The following CCDC77 variants were observed in gnomAD, a reference collection of about 807,000 sequenced individuals.
CCDC77 encodes the protein coiled-coil domain containing 77.
A neutral mutation model predicts 66.8 loss-of-function variants in CCDC77; 56 were observed. The ratio of observed to expected loss-of-function variants is 0.84; its 90% CI spans 0.68 to 1.05. The LOEUF (loss-of-function observed/expected upper bound fraction) is 1.05. Ranked by LOEUF, CCDC77 falls within the 50% of genes least tolerant of loss-of-function variation. CCDC77 has a pLI of 0.00. For synonymous variants in CCDC77, 196 were observed against 195.2 expected (o/e 1.00, Z -0.03); for missense variants, 570 against 576.8 (o/e 0.99, Z 0.12).
upstream of CCDC77, among the ~76,000 whole-genome samples, chr12:399,875 A>G (rs1164884524): frequency 6.6e-6 from 1 of 152,232 alleles, no homozygotes; most frequent in Admixed American, 6.5e-5. Flanking sequence ...AGCCCCTAAC[A>G]TGAGAGTCAG....
intron 6 of CCDC77, among the ~76,000 whole-genome samples, chr12:430,254 A>G (rs1227587089): frequency 6.6e-6 from 1 of 152,076 alleles, no homozygotes; most frequent in Non-Finnish European, 1.5e-5. Context: ...TGGCCTCCCA[A>G]AGTGCTGAGA....
chr12:405,863 T>C (rs1444178367), intron 2 of CCDC77, among the ~76,000 whole-genome samples: 1 of 151,884 alleles, frequency 6.6e-6, no homozygotes, highest in Non-Finnish European at 1.5e-5. Flanking sequence ...TGAGTTTGCA[T>C]ATTCCAGTGT....
intron 1 of CCDC77, among the ~76,000 whole-genome samples, chr12:394,947 G>A (rs190855985): frequency 1.2e-4 from 19 of 152,250 alleles, no homozygotes; most frequent in African/African-American, 4.1e-4. Flanking sequence ...CTAGTAGAAA[G>A]GGAAGACAAA....
intron 1 of CCDC77, among the ~76,000 whole-genome samples, chr12:404,744 C>T (rs1415829362): frequency 4.3e-5 from 6 of 139,326 alleles, no homozygotes; most frequent in African/African-American, 8.1e-5. Context: ...TTTTTTGAGA[C>T]GGAGTTTCGC....
rs1286184458 is a variant in CCDC77 at position 411,965 on chromosome 12, C to T, written c.257C>T (p.Ala86Val). 6.2e-7 allele frequency: 1 copy of T among 1,612,754 alleles called. No individual in the cohort carries two copies. The highest frequency in any genetic ancestry group is 8.5e-7 in the Non-Finnish European group (1 of 1,179,206). Residue 86 changes from alanine (A) to valine (V), a missense_variant, in exon 4 of 13, where the codon GCT becomes GTT. Transcript: ENST00000239830. Reference protein sequence around the residue: ...LLKKLELYKEACEGQHKLECD... With the variant: ...LLKKLELYKEVCEGQHKLECD... The stretch of plus-strand genomic sequence containing the variant: ...AAGAAACTGGAACTCTACAAAGAAG[C>T]TTGTGAAGGACAGGTAAAGAAACGA...
rs114866093 is a variant in CCDC77 at position 433,625 on chromosome 12, C to T, written c.821+303C>T. The T allele has an allele frequency of 8.3e-3, 2,438 of 295,442 alleles. 62 individuals carry two copies. The highest frequency in any genetic ancestry group is 0.051 in the African/African-American group (2,259 of 44,732). 18.3% of individuals were successfully genotyped at this position (295,442 alleles called of 1,614,324 possible). ...GGCTCACGCCTGTAATCGCTCCTGC[C>T]TGGGTGACAGAGTGAGACCCTGTCT... On this transcript the variant is annotated intron_variant, in intron 9 of 12. Coordinates refer to ENST00000239830, the MANE Select transcript of CCDC77 (RefSeq NM_032358.4).
chr12:411,696 T>C, intron 3 of CCDC77, 51 bp from the exon 4 acceptor site: 1 of 1,432,660 alleles, frequency 7.0e-7, no homozygotes, highest in South Asian at 1.2e-5. Context: ...AAGTTATAAC[T>C]CATAAACTTT....
Position 441,856 on chromosome 12 carries a change from AAGG to A in CCDC77, c.1406_1408del (p.Gly469del). The A allele has an allele frequency of 6.2e-7, 1 of 1,613,978 alleles. No homozygotes were observed. Among genetic ancestry groups the A allele is most frequent in the African/African-American group, 1.3e-5 (1 of 74,948 alleles). On this transcript the variant is annotated inframe_deletion, in exon 13 of 13. Transcript: ENST00000239830. ...AGCAATAGACGGGCACATAAGATAC[AAGG>A]AGAACTGAAGAATCTTAAGTCGAAA...
intron 2 of CCDC77, among the ~76,000 whole-genome samples, chr12:406,971 G>C (rs1565563812): frequency 6.6e-6 from 1 of 152,242 alleles, no homozygotes. Context: ...GGAACGAGGA[G>C]ACCAGTTAAG....
chr12:394,281 T>C (rs372084188), intron 1 of CCDC77, among the ~76,000 whole-genome samples: 2 of 152,240 alleles, frequency 1.3e-5, no homozygotes, highest in Non-Finnish European at 2.9e-5. Flanking sequence ...GAGTGCGTTA[T>C]GTGTTCTTCT....
chr12:441,161 G>A (rs948868568), intron 12 of CCDC77, among the ~76,000 whole-genome samples, 165 bp downstream of exon 12: 1 of 152,122 alleles, frequency 6.6e-6, no homozygotes, highest in Non-Finnish European at 1.5e-5. Flanking sequence ...ACATGCTAGA[G>A]GGAAAATAAA....
chr12:399,142 T>C (rs1395095904), upstream of CCDC77, among the ~76,000 whole-genome samples: 2 of 152,080 alleles, frequency 1.3e-5, no homozygotes, highest in African/African-American at 4.8e-5. Flanking sequence ...ACCAGAGAAA[T>C]CACTATGTCT....
At chr12:405,469 C>T (rs867766917) in intron 1 of CCDC77, 42 bp from the exon 2 acceptor site, 2 of 152,116 alleles carry the variant, frequency 1.3e-5, no homozygotes, top group Non-Finnish European at 1.5e-5. Flanking sequence ...AAAAATGTTA[C>T]CCATAATCCT....
At chr12:400,104 A>T (rs1180415461), upstream of CCDC77, among the ~76,000 whole-genome samples, 1 of 152,240 alleles carries the variant, frequency 6.6e-6, no homozygotes. Context: ...TAAGTAACGG[A>T]AATAGCTCCT....
upstream of CCDC77, among the ~76,000 whole-genome samples, chr12:401,094 A>T (rs565242035): frequency 6.6e-6 from 1 of 152,196 alleles, no homozygotes; most frequent in Admixed American, 6.5e-5. Flanking sequence ...TGCTTTTATC[A>T]TTAAAGCCCA....
chr12:419,616 TAGC>T (rs1254374922), intron 5 of CCDC77, among the ~76,000 whole-genome samples: 1 of 115,076 alleles, frequency 8.7e-6, no homozygotes, highest in Non-Finnish European at 1.9e-5. Flanking sequence ...AAAACACACA[TAGC>T]AGCACCCTCC....
intron 1 of CCDC77, chr12:389,569 C>CGGGGCGGGGCGGG (rs60326746): frequency 4.2e-6 from 1 of 239,204 alleles, no homozygotes; most frequent in African/African-American, 2.3e-5. Context: ...CGGGGCGAGG[C>CGGGGCGGGGCGGG]GCAACGAGGC....
intron 1 of CCDC77, among the ~76,000 whole-genome samples, chr12:395,660 G>A (rs138027873): frequency 0.016 from 2,495 of 152,282 alleles, 32 homozygotes; most frequent in East Asian, 0.065. Flanking sequence ...CTGGGAGGCC[G>A]AGGTGGGTAG....
At chr12:437,762 C>A (rs768319372) in intron 9 of CCDC77, among the ~76,000 whole-genome samples, 14 of 147,746 alleles carry the variant, frequency 9.5e-5, no homozygotes, top group Non-Finnish European at 1.9e-4. Context: ...AGAAGGATTG[C>A]TTGAGCCCAG....
Sources: gnomAD v4.1 joint callset for allele counts (sites outside exome capture counted in the v4.1 genomes callset) on GRCh38, gnomAD v4.1.1 for gene constraint, MANE v1.5 for transcripts, NCBI Gene and HGNC (gene_info 2026-07-23, HGNC 2026-07-21) for gene names.